The following TTC39A variants were observed in gnomAD, a reference collection of about 807,000 sequenced individuals.
TTC39A encodes the protein tetratricopeptide repeat domain 39A, also known as tetratricopeptide repeat protein 39A.
TTC39A carries 46 observed loss-of-function variants against 82.3 expected under a neutral mutation model. The ratio of observed to expected loss-of-function variants is 0.56; its 90% confidence interval spans 0.44 to 0.71. The LOEUF (loss-of-function observed/expected upper bound fraction) is 0.71, where lower values mean the gene tolerates loss of function less well. Ranked by LOEUF, TTC39A falls within the 30% of genes least tolerant of loss-of-function variation. The pLI, the probability that TTC39A is intolerant of heterozygous loss-of-function variation, is 0.00. For missense variants in TTC39A, 543 were observed against 712.9 expected, an observed-to-expected ratio of 0.76 and a Z score of 2.71; for synonymous variants, 254 against 275.2, an observed-to-expected ratio of 0.92 and a Z score of 0.76.
upstream of TTC39A, among the ~76,000 whole-genome samples, chr1:51,333,818 C>A (rs564983885): frequency 2.2e-4 from 34 of 152,316 alleles, no homozygotes; most frequent in South Asian, 7.0e-3. Context: ...CAGGGCCTGA[C>A]ATCAGGTACC....
At position 51,288,004 on chromosome 1, in the gene TTC39A, G is replaced by T. The variant is rs140649322; in HGVS notation, c.*153C>A. On this transcript the variant is annotated 3_prime_UTR_variant, in exon 18 of 18. Coordinates refer to ENST00000680483, the MANE Select transcript of TTC39A (RefSeq NM_001297663.2). The surrounding 1 kb of genome is among the most constrained non-coding windows in gnomAD (Gnocchi z 4.8). The stretch of plus-strand genomic sequence containing the variant: ...GCTACACTGGTGAAAATGCCAGCTC[G>T]GCTTCTGCACGGATACACTATGTTG... 1.6e-6 allele frequency: 2 copies of T among 1,264,554 alleles called. No individual in the cohort carries two copies. The highest frequency in any genetic ancestry group is 2.1e-6 in the Non-Finnish European group (2 of 939,786). 78.3% of individuals were successfully genotyped at this position (1,264,554 alleles called of 1,614,324 possible). A position where few individuals can be genotyped will look rare whatever the true frequency, so the allele number is the denominator to read the frequency against.
chr1:51,309,146 T>C (rs1228867297), intron 6 of TTC39A, 115 bp downstream of exon 6: 3 of 1,297,440 alleles, frequency 2.3e-6, no homozygotes, highest in Non-Finnish European at 3.1e-6. Flanking sequence ...AGCAGTCTAC[T>C]AGGTTCTGGC....
Position 51,294,534 on chromosome 1 carries a change from G to A in TTC39A, c.1146-23C>T, listed in dbSNP as rs1363355646. On this transcript the variant is annotated intron_variant, in intron 13 of 17. Coordinates refer to ENST00000680483, the MANE Select transcript of TTC39A (RefSeq NM_001297663.2). The surrounding 1 kb of genome is among the most constrained non-coding windows in gnomAD (Gnocchi z 4.3). Reference sequence around the variant, plus strand: ...GCTCTGCGAAAGAGATGGGGAGGGTGGGAGAGGATGAAAAAGAGCAGGAGA... The same window carrying A: ...GCTCTGCGAAAGAGATGGGGAGGGTAGGAGAGGATGAAAAAGAGCAGGAGA... 7 of 1,613,326 alleles carry A rather than the reference G, an allele frequency of 4.3e-6. No individual in the cohort carries two copies. The African/African-American group carries it at 5.3e-5, about 12-fold the overall frequency.
At position 51,338,310 on chromosome 1, in the gene TTC39A, T is replaced by C. The variant is rs148492001; in HGVS notation, c.53+6681A>G. Among the ~76,000 whole-genome samples the C allele has an allele frequency of 7.9e-5, 12 of 152,228 alleles. No homozygotes were observed. In the East Asian group the frequency reaches 2.3e-3, roughly 29 times the overall value. ...CACTCTTCACCTCTTTGCGCCTAAG[T>C]TTCCTCCTCTATTAAAGTGGAGAAA... is the stretch of plus-strand genomic sequence containing the variant. On this transcript the variant is annotated intron_variant, in intron 1 of 5. Coordinates refer to the TTC39A transcript ENST00000401051.
chr1:51,290,999 G>C (rs1644190946), intron 14 of TTC39A, among the ~76,000 whole-genome samples: 1 of 152,134 alleles, frequency 6.6e-6, no homozygotes, highest in East Asian at 1.9e-4. Flanking sequence ...ACCAGGCCAT[G>C]CTCCATACAC....
At chr1:51,300,313 C>T (rs1208551931) in intron 12 of TTC39A, 1 of 152,332 alleles carries the variant, frequency 6.6e-6, no homozygotes, top group East Asian at 1.9e-4. Flanking sequence ...CCCACCTGCC[C>T]CAGACCCAGA....
intron 1 of TTC39A, among the ~76,000 whole-genome samples, chr1:51,323,233 C>T (rs1354754174): frequency 6.6e-6 from 1 of 151,976 alleles, no homozygotes; most frequent in Non-Finnish European, 1.5e-5. Context: ...CTCTGTCATC[C>T]CCTCCATCAC....
rs1275773225 is a variant in TTC39A at position 51,288,395 on chromosome 1, G to A, written c.1611-115C>T. 3.3e-6 allele frequency: 5 copies of A among 1,526,308 alleles called. No homozygotes were observed. Among genetic ancestry groups the A allele is most frequent in the African/African-American group, 1.4e-5 (1 of 73,648 alleles). 94.5% of individuals were successfully genotyped at this position (1,526,308 alleles called of 1,614,324 possible). ...AAGGAAGGATTGTAGAGAAATTAAT[G>A]TGTCCAGAGAGAGTTGAGCCCTACC... On this transcript the variant is annotated intron_variant, in intron 17 of 17. Coordinates refer to ENST00000680483, the MANE Select transcript of TTC39A (RefSeq NM_001297663.2). This position sits in a 1 kb window ranked among gnomAD's most constrained non-coding sequence, Gnocchi z 4.8.
At chr1:51,322,596 AT>A (rs1373489361) in intron 1 of TTC39A, among the ~76,000 whole-genome samples, 71 of 152,256 alleles carry the variant, frequency 4.7e-4, no homozygotes, top group Admixed American at 1.0e-3. Context: ...GAATGAATGA[AT>A]GAATGAATGA....
chr1:51,316,184 G>A (rs1192978175), intron 2 of TTC39A, among the ~76,000 whole-genome samples: 1 of 152,116 alleles, frequency 6.6e-6, no homozygotes, highest in Non-Finnish European at 1.5e-5. Context: ...GCACACTGCC[G>A]GGCCCAGGAG....
chr1:51,295,889 C>T (rs1202068626), intron 13 of TTC39A, 190 bp downstream of exon 13: 1 of 613,554 alleles, frequency 1.6e-6, no homozygotes, highest in Non-Finnish European at 2.9e-6. Context: ...CTCCAACCAC[C>T]AGCAGCAGCA....
At chr1:51,320,444 G>T in intron 2 of TTC39A, among the ~76,000 whole-genome samples, 1 of 131,148 alleles carries the variant, frequency 7.6e-6, no homozygotes, top group Non-Finnish European at 1.6e-5. Flanking sequence ...TTTGAGACAG[G>T]GTTTTGCTCT....
At chr1:51,316,209 G>A (rs1645277717) in intron 2 of TTC39A, among the ~76,000 whole-genome samples, 1 of 152,218 alleles carries the variant, frequency 6.6e-6, no homozygotes, top group Non-Finnish European at 1.5e-5. Flanking sequence ...CTCAAAGGCT[G>A]TTGCTGAATG....
At chr1:51,290,424 G>T in intron 15 of TTC39A, 90 bp downstream of exon 15, 1 of 1,174,782 alleles carries the variant, frequency 8.5e-7, no homozygotes, top group Non-Finnish European at 1.2e-6. Context: ...CCAGGGTAGG[G>T]AAAGGAGGAA....
At chr1:51,337,509 C>G (rs1201243994) in intron 1 of TTC39A, among the ~76,000 whole-genome samples, 1 of 151,588 alleles carries the variant, frequency 6.6e-6, no homozygotes, top group Non-Finnish European at 1.5e-5. Flanking sequence ...CCACTGCAAC[C>G]TCAGCCTCCC....
rs767664060 is a variant in TTC39A at position 51,287,350 on chromosome 1, C to T, written c.*807G>A. The T allele has an allele frequency of 6.6e-6, 1 of 152,106 alleles. No homozygotes were observed. The highest frequency in any genetic ancestry group is 1.5e-5 in the Non-Finnish European group (1 of 68,018). The allele number at this position is 152,106 out of a possible 1,614,324, so 9.4% of individuals were successfully genotyped here. A position where few individuals can be genotyped will look rare whatever the true frequency, so the allele number is the denominator to read the frequency against. On this transcript the variant is annotated 3_prime_UTR_variant, in exon 18 of 18. Coordinates refer to ENST00000680483, the MANE Select transcript of TTC39A (RefSeq NM_001297663.2). ...ATTTTTATGTTTCATAAATTATTCCCAGTGGTTTCAGTTTGGCATACAGCA... is the reference window on the plus strand; with the variant it reads ...ATTTTTATGTTTCATAAATTATTCCTAGTGGTTTCAGTTTGGCATACAGCA...
chr1:51,302,518 G>A lies in TTC39A; in HGVS notation c.819C>T (p.Asn273=). The A allele has an allele frequency of 6.2e-7, 1 of 1,609,684 alleles. No homozygotes were observed. Among genetic ancestry groups the A allele is most frequent in the Non-Finnish European group, 8.5e-7 (1 of 1,178,054 alleles). ...EAEKLLKPYL[N]RYPKGAIFLF... Reference sequence around the variant, plus strand: ...ACATGGGGCTCACCTTAGGGTACCGGTTCAGGTAGGGCTTCAAGAGCTTCT... The same window carrying A: ...ACATGGGGCTCACCTTAGGGTACCGATTCAGGTAGGGCTTCAAGAGCTTCT... Residue 273 remains asparagine (N), a synonymous_variant, in exon 10 of 18, where the codon AAC becomes AAT. Transcript: ENST00000680483.
chr1:51,310,566 TC>T (rs772727237), intron 5 of TTC39A, among the ~76,000 whole-genome samples: 9 of 152,186 alleles, frequency 5.9e-5, no homozygotes, highest in Non-Finnish European at 1.2e-4. Flanking sequence ...AATGCATATG[TC>T]CCTCTCCTGC....
intron 1 of TTC39A, among the ~76,000 whole-genome samples, chr1:51,340,888 A>G (rs1303815208): frequency 6.6e-6 from 1 of 152,142 alleles, no homozygotes; most frequent in Non-Finnish European, 1.5e-5. Context: ...AAACCAGCCT[A>G]AGGCCGGGTG....
Sources: gnomAD v4.1 joint callset for allele counts (sites outside exome capture counted in the v4.1 genomes callset) on GRCh38, gnomAD v4.1.1 for gene constraint, Gnocchi (gnomAD v3.1) non-coding constraint, MANE v1.5 for transcripts, NCBI Gene and HGNC (gene_info 2026-07-23, HGNC 2026-07-21) for gene names.